The following RANBP17 variants were observed in gnomAD, a reference collection of about 807,000 sequenced individuals.
RANBP17 encodes ran-binding protein 17.
Under a neutral mutation model 141.2 loss-of-function variants are expected in RANBP17, and 158 were observed. That is an observed-to-expected ratio of 1.12 (90% confidence interval 0.98 to 1.28). RANBP17 has a LOEUF of 1.28. Among genes scored for constraint, RANBP17 ranks in the 50% most tolerant of loss-of-function variants. RANBP17 has a pLI of 0.00. For synonymous variants in RANBP17, 430 were observed against 450.0 expected, an observed-to-expected ratio of 0.96 and a Z score of 0.56; for missense variants, 1,438 against 1,290.7, an observed-to-expected ratio of 1.11 and a Z score of -1.75.
chr5:171,030,241 A>G (rs769759836), intron 14 of RANBP17, among the ~76,000 whole-genome samples: 9 of 152,086 alleles, frequency 5.9e-5, no homozygotes, highest in Non-Finnish European at 1.3e-4. Context: ...CATCTATACT[A>G]GTTTTGAGCA....
At chr5:171,120,329 A>G (rs1166200000) in intron 14 of RANBP17, among the ~76,000 whole-genome samples, 2 of 152,222 alleles carry the variant, frequency 1.3e-5, no homozygotes, top group African/African-American at 4.8e-5. Flanking sequence ...TTCCCTGCAC[A>G]TGTCCAGAGA....
intron 14 of RANBP17, among the ~76,000 whole-genome samples, chr5:170,969,421 A>G (rs1217816253): frequency 6.6e-6 from 1 of 151,938 alleles, no homozygotes; most frequent in Non-Finnish European, 1.5e-5. Flanking sequence ...GAATCAGACA[A>G]TAATTACATA....
chr5:170,875,213 G>T (rs779849712), intron 1 of RANBP17, among the ~76,000 whole-genome samples: 22 of 152,166 alleles, frequency 1.4e-4, no homozygotes, highest in African/African-American at 4.8e-4. Context: ...AGTCTGATGG[G>T]CTTCCCTTTG....
chr5:171,154,024 T>C (rs913980193), intron 14 of RANBP17, among the ~76,000 whole-genome samples: 1 of 147,752 alleles, frequency 6.8e-6, no homozygotes, highest in African/African-American at 2.5e-5. Flanking sequence ...CAAAACTCCA[T>C]CTCAAAAAAA....
chr5:170,989,132 A>G (rs563221072), intron 14 of RANBP17, among the ~76,000 whole-genome samples: 3 of 151,988 alleles, frequency 2.0e-5, no homozygotes, highest in African/African-American at 7.2e-5. Context: ...TTTGTCAAAA[A>G]TAGTTGTCAG....
At chr5:171,035,936 A>G (rs991987712) in intron 14 of RANBP17, among the ~76,000 whole-genome samples, 1 of 151,686 alleles carries the variant, frequency 6.6e-6, no homozygotes, top group Non-Finnish European at 1.5e-5. Flanking sequence ...CCCTCTTGCC[A>G]AGGCTGAAGT....
At chr5:171,178,904 G>A (rs766156304) in intron 16 of RANBP17, among the ~76,000 whole-genome samples, 2 of 152,076 alleles carry the variant, frequency 1.3e-5, no homozygotes, top group African/African-American at 4.8e-5. Context: ...TAAGTTCCTT[G>A]TAGATTCTGG....
At chr5:171,252,531 G>A in intron 24 of RANBP17, 1 of 1,418,214 alleles carries the variant, frequency 7.1e-7, no homozygotes, top group South Asian at 1.1e-5. Context: ...GCAGCAAACA[G>A]GAAGCACACA....
intron 7 of RANBP17, among the ~76,000 whole-genome samples, chr5:170,911,939 C>G (rs544236360): frequency 2.6e-5 from 4 of 151,984 alleles, no homozygotes; most frequent in Non-Finnish European, 5.9e-5. Context: ...CAGTTAAACT[C>G]TCCAGGATCT....
chr5:170,880,840 G>A (rs972525163), intron 2 of RANBP17, among the ~76,000 whole-genome samples: 10 of 152,120 alleles, frequency 6.6e-5, no homozygotes, highest in African/African-American at 2.4e-4. Context: ...AATAATAAAA[G>A]GTATGTGTCA....
chr5:171,083,857 G>A (rs915698018), intron 14 of RANBP17, among the ~76,000 whole-genome samples: 7 of 151,946 alleles, frequency 4.6e-5, no homozygotes, highest in African/African-American at 1.5e-4. Flanking sequence ...CATGTGAGAC[G>A]TGCCTTTCAC....
chr5:171,288,456 A>G (rs543589257), intron 25 of RANBP17, among the ~76,000 whole-genome samples: 2 of 152,234 alleles, frequency 1.3e-5, no homozygotes, highest in Non-Finnish European at 2.9e-5. Flanking sequence ...CTCAGCCACT[A>G]TGCTGGTGGT....
At chr5:170,895,976 A>C in intron 4 of RANBP17, 74 bp from the exon 5 acceptor site, 1 of 711,022 alleles carries the variant, frequency 1.4e-6, no homozygotes, top group Non-Finnish European at 2.2e-6. Flanking sequence ...TTGTTTGTAA[A>C]TGTTACCTGG....
chr5:171,201,466 G>A (rs1465805823), intron 19 of RANBP17, among the ~76,000 whole-genome samples: 1 of 152,224 alleles, frequency 6.6e-6, no homozygotes, highest in East Asian at 1.9e-4. Context: ...ACGAACCAAG[G>A]CCACACAGTG....
intron 7 of RANBP17, among the ~76,000 whole-genome samples, chr5:170,912,221 A>T (rs2127423795): frequency 6.6e-6 from 1 of 151,326 alleles, no homozygotes; most frequent in East Asian, 1.9e-4. Flanking sequence ...GTAATAAAAA[A>T]TTTCACAGAC....
chr5:171,272,674 T>G lies in RANBP17; in HGVS notation c.2943+6827T>G, dbSNP rs111412642. 9.6e-3 allele frequency among the ~76,000 whole-genome samples: 1,468 copies of G among 152,306 alleles called. 26 individuals carry two copies. The highest frequency in any genetic ancestry group is 0.034 in the African/African-American group (1,404 of 41,548). On this transcript the variant is annotated intron_variant, in intron 25 of 27. Transcript: ENST00000523189. ...GGCTTCTAATCTAAAGTATGTATGTTTTGAGCACATAAAATGAGGCAAGTT... is the reference window on the plus strand; with the variant it reads ...GGCTTCTAATCTAAAGTATGTATGTGTTGAGCACATAAAATGAGGCAAGTT...
chr5:170,933,803 T>C (rs1473864301), intron 12 of RANBP17, among the ~76,000 whole-genome samples: 1 of 152,192 alleles, frequency 6.6e-6, no homozygotes. Flanking sequence ...TTCTGTTCTT[T>C]TACATTTGCT....
chr5:171,089,268 CT>C (rs946308652), intron 14 of RANBP17, among the ~76,000 whole-genome samples: 1 of 99,260 alleles, frequency 1.0e-5, no homozygotes, highest in Non-Finnish European at 2.4e-5. Flanking sequence ...AGTTAGGCTG[CT>C]CGGGGGTCAC....
intron 14 of RANBP17, among the ~76,000 whole-genome samples, chr5:170,991,771 A>G (rs1778524931): frequency 6.6e-6 from 1 of 152,024 alleles, no homozygotes; most frequent in Admixed American, 6.6e-5. Flanking sequence ...AGTACAGTAC[A>G]GATGTTCAAA....
Sources: gnomAD v4.1 joint callset for allele counts (sites outside exome capture counted in the v4.1 genomes callset) on GRCh38, gnomAD v4.1.1 for gene constraint, MANE v1.5 for transcripts, NCBI Gene and HGNC (gene_info 2026-07-23, HGNC 2026-07-21) for gene names.